KIAA1191: variants seen among roughly 807,000 people sequenced by gnomAD.
The protein encoded by KIAA1191 is KIAA1191, also known as putative monooxygenase p33MONOX.
Under a neutral mutation model 31.1 loss-of-function variants are expected in KIAA1191, and 22 were observed. That is an observed-to-expected ratio of 0.71 (90% CI 0.51 to 1.01). The LOEUF is 1.01. Among genes scored for constraint, KIAA1191 ranks in the 50% least tolerant of loss-of-function variants. The pLI, the probability that KIAA1191 is intolerant of heterozygous loss-of-function variation, is 0.00. For missense variants in KIAA1191, 319 were observed against 388.0 expected (o/e 0.82, Z 1.49); for synonymous variants, 130 against 143.9 (o/e 0.90, Z 0.69).
chr5:176,347,438 G>T lies in KIAA1191; in HGVS notation c.*162C>A. 1 of 454,236 alleles carries T rather than the reference G, an allele frequency of 2.2e-6. No individual in the cohort carries two copies. Among genetic ancestry groups the T allele is most frequent in the Non-Finnish European group, 3.8e-6 (1 of 265,976 alleles). 28.1% of individuals were successfully genotyped at this position (454,236 alleles called of 1,614,324 possible). A position where few individuals can be genotyped will look rare whatever the true frequency, so the allele number is the denominator to read the frequency against. On this transcript the variant is annotated 3_prime_UTR_variant, in exon 9 of 9. Transcript: ENST00000298569. ...GCTGGTCTTGAACTCCTGACCTCAG[G>T]TATCCACCTACCTTGGCCTCCCAAA...
Position 176,347,027 on chromosome 5 carries a change from T to G in KIAA1191, c.*573A>C, listed in dbSNP as rs970950650. On this transcript the variant is annotated 3_prime_UTR_variant, in exon 9 of 9. Coordinates refer to ENST00000298569, the MANE Select transcript of KIAA1191 (RefSeq NM_020444.5). Reference sequence around the variant, plus strand: ...GATCAAAGTTCTTACCTAGGGTAAATGATGAAAAAAATAGGTAATGAGGTC... The same window carrying G: ...GATCAAAGTTCTTACCTAGGGTAAAGGATGAAAAAAATAGGTAATGAGGTC... 6.6e-5 allele frequency: 10 copies of G among 152,036 alleles called. No individual in the cohort carries two copies. The highest frequency in any genetic ancestry group is 9.7e-5 in the African/African-American group (4 of 41,368). The allele number at this position is 152,036 out of a possible 1,614,324, so 9.4% of individuals were successfully genotyped here.
Position 176,352,819 on chromosome 5 carries a change from T to C in KIAA1191, c.208-71A>G. On this transcript the variant is annotated intron_variant, in intron 4 of 8. Transcript: ENST00000298569. ...GAGTCACACACCTAAACTTACTCCT[T>C]TGGGGAGGAAGTTACTGAAATAACA... 2.1e-6 allele frequency: 3 copies of C among 1,459,750 alleles called. No homozygotes were observed. The South Asian group carries it at 4.0e-5, about 20-fold the overall frequency. 90.4% of individuals were successfully genotyped at this position (1,459,750 alleles called of 1,614,324 possible).
At chr5:176,359,164 C>A (rs1191293399) in intron 3 of KIAA1191, among the ~76,000 whole-genome samples, 1 of 130,544 alleles carries the variant, frequency 7.7e-6, no homozygotes, top group Admixed American at 8.1e-5. Context: ...ACAAAAAATA[C>A]AAAAATTAGC....
At chr5:176,354,818 AGGGAT>A (rs59559453) in intron 4 of KIAA1191, among the ~76,000 whole-genome samples, 1 of 152,346 alleles carries the variant, frequency 6.6e-6, no homozygotes, top group African/African-American at 2.4e-5. Context: ...AAAGCAATGC[AGGGAT>A]GACGACGGGG....
intron 3 of KIAA1191, among the ~76,000 whole-genome samples, chr5:176,357,894 C>T (rs545440250): frequency 6.6e-6 from 1 of 152,238 alleles, no homozygotes; most frequent in East Asian, 1.9e-4. Flanking sequence ...AAAATATGTT[C>T]ATATAAAGAC....
rs765075084 is a variant in KIAA1191 at position 176,350,657 on chromosome 5, T to C, written c.415A>G (p.Thr139Ala). ...CGAAGGTACTTGGTCTCCTCGGTGG[T>C]GAGGCCCTTGTGGGGTGTGTAGCCA... The part of the protein sequence containing the change: ...DAGYTPHKGL[T>A]TEETKYLRVA... The change falls in exon 6 of 9, where the codon ACC becomes GCC. Residue 139 changes from threonine (T) to alanine (A), a missense_variant. Coordinates refer to ENST00000298569, the MANE Select transcript of KIAA1191 (RefSeq NM_020444.5). 1.9e-6 allele frequency: 3 copies of C among 1,614,124 alleles called. No individual in the cohort carries two copies. Among genetic ancestry groups the C allele is most frequent in the Non-Finnish European group, 2.5e-6 (3 of 1,180,024 alleles).
At chr5:176,349,718 G>C (rs1766825407) in intron 6 of KIAA1191, among the ~76,000 whole-genome samples, 1 of 152,108 alleles carries the variant, frequency 6.6e-6, no homozygotes, top group South Asian at 2.1e-4. Context: ...ACCAGATCCG[G>C]GTTATTCCTC....
chr5:176,351,266 G>A (rs1426684114), intron 5 of KIAA1191, among the ~76,000 whole-genome samples: 5 of 151,590 alleles, frequency 3.3e-5, no homozygotes, highest in Non-Finnish European at 7.4e-5. Flanking sequence ...GCGTGAACCC[G>A]GGAGGCGGAG....
At chr5:176,348,517 C>T (rs1240957231) in intron 6 of KIAA1191, among the ~76,000 whole-genome samples, 161 bp from the exon 7 acceptor site, 4 of 146,082 alleles carry the variant, frequency 2.7e-5, no homozygotes, top group African/African-American at 1.0e-4. Context: ...TTTGTTTTTG[C>T]CATACTAGAT....
chr5:176,352,866 T>C, intron 4 of KIAA1191, 118 bp from the exon 5 acceptor site: 1 of 1,155,880 alleles, frequency 8.7e-7, no homozygotes, highest in Middle Eastern at 2.0e-4. Context: ...AGTGAGGAAA[T>C]CATTGAAGGG....
chr5:176,351,749 C>T (rs1339815342), intron 5 of KIAA1191, among the ~76,000 whole-genome samples: 1 of 151,182 alleles, frequency 6.6e-6, no homozygotes, highest in Non-Finnish European at 1.5e-5. Context: ...CAGAGTGAGA[C>T]TCTGTCTCAA....
At position 176,359,803 on chromosome 5, in the gene KIAA1191, CACCTT is replaced by C. The variant is rs1328550867; in HGVS notation, c.-60+3_-60+7del. On this transcript the variant is annotated splice_donor_5th_base_variant and intron_variant, in intron 2 of 8. Transcript: ENST00000298569. The stretch of plus-strand genomic sequence containing the variant: ...AAGATGCCATACATGGTGAAAAAGT[CACCTT>C]ACCACAGTGAAATGATGTGATGACT... 9.4e-6 allele frequency: 3 copies of C among 317,982 alleles called. No homozygotes were observed. The highest frequency in any genetic ancestry group is 6.3e-5 in the African/African-American group (3 of 47,940). 19.7% of individuals were successfully genotyped at this position (317,982 alleles called of 1,614,324 possible). A position where few individuals can be genotyped will look rare whatever the true frequency, so the allele number is the denominator to read the frequency against.
chr5:176,359,774 A>C (rs1767835484), intron 2 of KIAA1191, 37 bp downstream of exon 2: 1 of 400,546 alleles, frequency 2.5e-6, no homozygotes, highest in South Asian at 3.1e-5. Context: ...GAGATGACAG[A>C]GCTAAGATGC....
At position 176,355,809 on chromosome 5, in the gene KIAA1191, A is replaced by G; in HGVS notation, c.29-60T>C. ...CAACTGGACATACTAGCAGCTTTAA[A>G]TTAATCTACAGGAAGGAAAGCTCTG... On this transcript the variant is annotated intron_variant, in intron 3 of 8. Coordinates refer to ENST00000298569, the MANE Select transcript of KIAA1191 (RefSeq NM_020444.5). This position sits in a 1 kb window ranked among gnomAD's most constrained non-coding sequence, Gnocchi z 4.2. 2 of 1,501,122 alleles carry G rather than the reference A, an allele frequency of 1.3e-6. No homozygotes were observed. Among genetic ancestry groups the G allele is most frequent in the South Asian group, 2.3e-5 (2 of 88,230 alleles). 93.0% of individuals were successfully genotyped at this position (1,501,122 alleles called of 1,614,324 possible).
intron 4 of KIAA1191, chr5:176,353,182 C>T (rs1767192900): frequency 6.5e-6 from 1 of 154,480 alleles, no homozygotes; most frequent in South Asian, 2.0e-4. Flanking sequence ...CGGGCTCCAC[C>T]TCAGAGTTTG....
rs1342609390 is a variant in KIAA1191, at chr5:176,361,644, G to C, written c.-210C>G. On this transcript the variant is annotated 5_prime_UTR_variant, in exon 1 of 9. Transcript: ENST00000298569. This position sits in a 1 kb window ranked among gnomAD's most constrained non-coding sequence, Gnocchi z 4.0. The stretch of plus-strand genomic sequence containing the variant: ...CGGGACTGCCTGCGGCCCGGAGTCC[G>C]GCACTAAAAAGGTTCCGAGGGCCCA... 6.6e-6 allele frequency: 1 copy of C among 152,374 alleles called. No homozygotes were observed. Among genetic ancestry groups the C allele is most frequent in the Non-Finnish European group, 1.5e-5 (1 of 68,174 alleles). The allele number at this position is 152,374 out of a possible 1,614,324, so 9.4% of individuals were successfully genotyped here.
intron 3 of KIAA1191, among the ~76,000 whole-genome samples, chr5:176,359,135 A>G (rs941639694): frequency 1.4e-5 from 2 of 144,322 alleles, no homozygotes; most frequent in Non-Finnish European, 3.0e-5. Flanking sequence ...CCTGGCCAAT[A>G]TGGTGAAACC....
chr5:176,350,632 C>T lies in KIAA1191; in HGVS notation c.440G>A (p.Arg147Gln), dbSNP rs772415021. 6.2e-6 allele frequency: 10 copies of T among 1,613,950 alleles called. No individual in the cohort carries two copies. Among genetic ancestry groups the T allele is most frequent in the East Asian group, 2.2e-5 (1 of 44,878 alleles). ...GCTTACGTGGAGTGCTTCGGCCACTCGAAGGTACTTGGTCTCCTCGGTGGT... is the reference window on the plus strand; with the variant it reads ...GCTTACGTGGAGTGCTTCGGCCACTTGAAGGTACTTGGTCTCCTCGGTGGT... ...GLTTEETKYL[R>Q]VAEALHKLKL... is the part of the protein sequence containing the mutation. Residue 147 changes from arginine to glutamine, a missense_variant, in exon 6 of 9, where the codon CGA becomes CAA. By Grantham distance (43) the Arg-to-Gln change is conservative. Transcript: ENST00000298569.
At chr5:176,358,392 T>C (rs1230652796) in intron 3 of KIAA1191, among the ~76,000 whole-genome samples, 1 of 152,246 alleles carries the variant, frequency 6.6e-6, no homozygotes, top group Non-Finnish European at 1.5e-5. Flanking sequence ...TTTCATACTA[T>C]GGCTGAGCGG....
Sources: gnomAD v4.1 joint callset for allele counts (sites outside exome capture counted in the v4.1 genomes callset) on GRCh38, gnomAD v4.1.1 for gene constraint, Gnocchi (gnomAD v3.1) non-coding constraint, MANE v1.5 for transcripts, NCBI Gene and HGNC (gene_info 2026-07-23, HGNC 2026-07-21) for gene names.